ADRA1A: variants seen among roughly 807,000 people sequenced by gnomAD.
The protein encoded by ADRA1A is alpha-1A adrenergic receptor.
A neutral mutation model predicts 29.6 loss-of-function variants in ADRA1A; 31 were observed. The observed-to-expected ratio is 1.05, with a 90% confidence interval of 0.79 to 1.41. The LOEUF (loss-of-function observed/expected upper bound fraction) is 1.41. Ranked by LOEUF, ADRA1A falls within the 40% of genes most tolerant of loss-of-function variation. The pLI is 0.00. For synonymous variants in ADRA1A, 311 were observed against 254.3 expected (o/e 1.22, Z -2.12); for missense variants, 619 against 601.1 (o/e 1.03, Z -0.31).
chr8:26,809,460 T>C (rs1809234869), intron 2 of ADRA1A, among the ~76,000 whole-genome samples: 1 of 151,668 alleles, frequency 6.6e-6, no homozygotes, highest in Non-Finnish European at 1.5e-5. Flanking sequence ...CTAGAAAGAG[T>C]AGAGACTCTA....
intron 2 of ADRA1A, among the ~76,000 whole-genome samples, chr8:26,757,928 C>A (rs1281631804): frequency 2.6e-5 from 4 of 152,120 alleles, no homozygotes; most frequent in Non-Finnish European, 4.4e-5. Flanking sequence ...TTTCATAGGA[C>A]AACTATGATA....
intron 2 of ADRA1A, among the ~76,000 whole-genome samples, chr8:26,782,460 G>T (rs1375307563): frequency 6.6e-6 from 1 of 152,134 alleles, no homozygotes; most frequent in African/African-American, 2.4e-5. Flanking sequence ...AATTTTAAAA[G>T]GCAATAGAGT....
At chr8:26,788,918 T>G (rs550203896) in intron 2 of ADRA1A, among the ~76,000 whole-genome samples, 99 of 152,224 alleles carry the variant, frequency 6.5e-4, no homozygotes, top group African/African-American at 2.3e-3. Context: ...TATTAAGAAA[T>G]TTTATGGTTA....
Position 26,786,886 on chromosome 8 carries a change from G to A in ADRA1A, c.884-16220C>T, listed in dbSNP as rs566575880. Reference sequence around the variant, plus strand: ...TGTAAATTTCATAAAGATAGGATTTGTGCCTGGTACATTGTAGTTGTTAAA... The same window carrying A: ...TGTAAATTTCATAAAGATAGGATTTATGCCTGGTACATTGTAGTTGTTAAA... On this transcript the variant is annotated intron_variant, in intron 2 of 2. Coordinates refer to ENST00000380573, the MANE Select transcript of ADRA1A (RefSeq NM_000680.4). 4.6e-5 allele frequency among the ~76,000 whole-genome samples: 6 copies of A among 130,970 alleles called. No homozygotes were observed. The South Asian group carries it at 1.5e-3, about 32-fold the overall frequency. 85.9% of individuals were successfully genotyped at this position (130,970 alleles called of 152,430 possible).
intron 2 of ADRA1A, among the ~76,000 whole-genome samples, chr8:26,834,849 T>C (rs977031708): frequency 6.6e-6 from 1 of 152,216 alleles, no homozygotes; most frequent in Non-Finnish European, 1.5e-5. Flanking sequence ...AGGTAAAACA[T>C]ACAGACTTCT....
At chr8:26,785,386 A>G (rs1807298606) in intron 2 of ADRA1A, among the ~76,000 whole-genome samples, 1 of 152,206 alleles carries the variant, frequency 6.6e-6, no homozygotes, top group Admixed American at 6.5e-5. Context: ...AGGCAACAAG[A>G]GCTGAGCTGA....
chr8:26,847,507 CA>C (rs1812299711), intron 2 of ADRA1A, among the ~76,000 whole-genome samples: 1 of 152,086 alleles, frequency 6.6e-6, no homozygotes, highest in South Asian at 2.1e-4. Context: ...GGTAAATGTC[CA>C]AAACCTTTTT....
chr8:26,784,399 T>C (rs1807223041), intron 2 of ADRA1A, among the ~76,000 whole-genome samples: 1 of 152,186 alleles, frequency 6.6e-6, no homozygotes, highest in Middle Eastern at 3.2e-3. Context: ...TCACCACCAA[T>C]AATAGTTTCT....
intron 2 of ADRA1A, among the ~76,000 whole-genome samples, chr8:26,849,260 A>G (rs1318897235): frequency 6.6e-6 from 1 of 152,230 alleles, no homozygotes; most frequent in Non-Finnish European, 1.5e-5. Flanking sequence ...GAATAGCCCC[A>G]GGGGCTTGAG....
intron 2 of ADRA1A, among the ~76,000 whole-genome samples, chr8:26,842,628 T>C (rs890774177): frequency 2.0e-5 from 3 of 152,156 alleles, no homozygotes; most frequent in African/African-American, 7.2e-5. Context: ...TTGCGATCAC[T>C]GCAGACCGGA....
intron 2 of ADRA1A, chr8:26,772,121 T>C (rs912488015): frequency 2.6e-5 from 4 of 153,298 alleles, no homozygotes; most frequent in African/African-American, 9.8e-5. Context: ...TATGGGCTTT[T>C]TTTTTTTTTT....
At chr8:26,853,121 TAAA>T (rs144204838) in intron 2 of ADRA1A, among the ~76,000 whole-genome samples, 13,929 of 152,212 alleles carry the variant, frequency 0.092, 787 homozygotes, top group Non-Finnish European at 0.13. Flanking sequence ...TGAATAATAT[TAAA>T]AATGCAAACA....
At position 26,805,685 on chromosome 8, in the gene ADRA1A, T is replaced by A. The variant is rs1156943148; in HGVS notation, c.884-35019A>T. ...GTACCCCAGCTCCAGAGCTGGTGGG[T>A]AATAATTACTTGCTATGAAAAGTAT... On this transcript the variant is annotated intron_variant, in intron 2 of 2. Transcript: ENST00000380573. This position sits in a 1 kb window ranked among gnomAD's most constrained non-coding sequence, Gnocchi z 4.8. Among the ~76,000 whole-genome samples the A allele has an allele frequency of 6.6e-6, 1 of 152,240 alleles. No homozygotes were observed. Among genetic ancestry groups the A allele is most frequent in the African/African-American group, 2.4e-5 (1 of 41,460 alleles).
In ADRA1A at chr8:26,749,628, T is replaced by A. The variant is rs73556297; in HGVS notation, c.1270-880A>T. Among the ~76,000 whole-genome samples, 481 of 152,340 alleles carry A rather than the reference T, an allele frequency of 3.2e-3. 2 individuals are homozygous for A. The highest frequency in any genetic ancestry group is 0.01 in the African/African-American group (435 of 41,580). On this transcript the variant is annotated intron_variant, in intron 2 of 2. Coordinates refer to the ADRA1A transcript ENST00000380586. ...TTTCAATTTATATCCACATATGGCATTTATATGAAGAGGGCAGGAAGACTG... is the reference window on the plus strand; with the variant it reads ...TTTCAATTTATATCCACATATGGCAATTATATGAAGAGGGCAGGAAGACTG...
intron 2 of ADRA1A, among the ~76,000 whole-genome samples, chr8:26,857,847 T>C (rs1029097773): frequency 6.6e-6 from 1 of 152,318 alleles, no homozygotes; most frequent in East Asian, 1.9e-4. Flanking sequence ...TATATCATTG[T>C]ATGTACTTGT....
intron 2 of ADRA1A, among the ~76,000 whole-genome samples, chr8:26,827,088 A>T (rs4732908): frequency 0.98 from 149,009 of 152,322 alleles, 72,898 homozygotes; most frequent in East Asian, 1. Flanking sequence ...GAAGAAGAAA[A>T]TAGATGATTC....
intron 2 of ADRA1A, among the ~76,000 whole-genome samples, chr8:26,798,502 C>G (rs1475727643): frequency 6.6e-6 from 1 of 152,178 alleles, no homozygotes; most frequent in Non-Finnish European, 1.5e-5. Context: ...TGCTTATTCT[C>G]ATTTACTTTT....
At chr8:26,778,171 G>A (rs1806687241) in intron 2 of ADRA1A, among the ~76,000 whole-genome samples, 1 of 152,128 alleles carries the variant, frequency 6.6e-6, no homozygotes, top group South Asian at 2.1e-4. Context: ...CTCCTTTTAG[G>A]AAAAAGGAGC....
intron 2 of ADRA1A, among the ~76,000 whole-genome samples, chr8:26,810,932 C>T (rs963304074): frequency 2.6e-5 from 4 of 152,182 alleles, no homozygotes; most frequent in African/African-American, 7.2e-5. Context: ...AGATTCACTT[C>T]GCATGACTTT....
Sources: allele counts gnomAD v4.1 joint callset (sites outside exome capture counted in the v4.1 genomes callset), GRCh38; gene constraint gnomAD v4.1.1; non-coding constraint Gnocchi (gnomAD v3.1); transcripts MANE v1.5; gene names NCBI Gene and HGNC (gene_info 2026-07-23, HGNC 2026-07-21).